The following HDAC9 variants were observed in gnomAD, a reference collection of about 807,000 sequenced individuals.
HDAC9 encodes the protein histone deacetylase 9.
HDAC9 carries 41 observed loss-of-function variants against 139.4 expected under a neutral mutation model. The ratio of observed to expected loss-of-function variants is 0.29; its 90% CI spans 0.23 to 0.38. The LOEUF is 0.38. Ranked by LOEUF, HDAC9 falls within the 10% of genes least tolerant of loss-of-function variation. The pLI is 1.00. For synonymous variants in HDAC9, 517 were observed against 476.2 expected (o/e 1.09, Z -1.12); for missense variants, 1,147 against 1,297.0 (o/e 0.88, Z 1.78).
At chr7:18,637,392 C>G (rs186160555) in intron 8 of HDAC9, among the ~76,000 whole-genome samples, 1 of 152,138 alleles carries the variant, frequency 6.6e-6, no homozygotes, top group African/African-American at 2.4e-5. Flanking sequence ...CTGTTTTAAT[C>G]TGTTTTATAT....
At chr7:18,207,822 C>T (rs1791647007) in intron 2 of HDAC9, among the ~76,000 whole-genome samples, 1 of 151,962 alleles carries the variant, frequency 6.6e-6, no homozygotes, top group Non-Finnish European at 1.5e-5. Context: ...TCAAGCAATT[C>T]TCCTGTCTCA....
chr7:18,396,079 A>ATTCCCTTCCCTTCGCTTCCC (rs1787006217), intron 1 of HDAC9, among the ~76,000 whole-genome samples: 2 of 46,514 alleles, frequency 4.3e-5, no homozygotes, highest in African/African-American at 1.2e-4. Context: ...TCAAAGTGTC[A>ATTCCCTTCCCTTCGCTTCCC]TTCCCTTCCC....
At chr7:18,252,657 G>A (rs1380698815) in intron 2 of HDAC9, among the ~76,000 whole-genome samples, 1 of 151,944 alleles carries the variant, frequency 6.6e-6, no homozygotes, top group Non-Finnish European at 1.5e-5. Flanking sequence ...ATTCATAAAA[G>A]CACTTAGCTA....
At chr7:18,352,475 A>T (rs905805122) in intron 1 of HDAC9, among the ~76,000 whole-genome samples, 4 of 152,154 alleles carry the variant, frequency 2.6e-5, no homozygotes, top group African/African-American at 7.2e-5. Flanking sequence ...TCATTAATTG[A>T]TTAAAGGTAA....
intron 2 of HDAC9, among the ~76,000 whole-genome samples, chr7:18,503,462 G>T (rs1025499522): frequency 2.0e-5 from 3 of 152,222 alleles, no homozygotes; most frequent in Non-Finnish European, 4.4e-5. Context: ...TTATGTTTAG[G>T]TTTACTCTGA....
At chr7:18,412,856 T>C (rs1348598264) in intron 1 of HDAC9, among the ~76,000 whole-genome samples, 1 of 152,158 alleles carries the variant, frequency 6.6e-6, no homozygotes, top group African/African-American at 2.4e-5. Context: ...ATTAAAACAA[T>C]AGTGTAATGA....
At chr7:18,874,277 A>G (rs534763270) in intron 21 of HDAC9, among the ~76,000 whole-genome samples, 7 of 152,188 alleles carry the variant, frequency 4.6e-5, no homozygotes, top group African/African-American at 1.4e-4. Flanking sequence ...ATGAACCAAA[A>G]AAGACTGAAT....
chr7:18,363,284 A>G (rs974676035), intron 1 of HDAC9, among the ~76,000 whole-genome samples: 16 of 151,990 alleles, frequency 1.1e-4, no homozygotes, highest in Non-Finnish European at 4.4e-5. Flanking sequence ...ATCTTTTGTA[A>G]CTTCCTGGTG....
chr7:18,117,472 CGA>C lies in HDAC9; in HGVS notation c.-97+30262_-97+30263del, dbSNP rs375293412. Among the ~76,000 whole-genome samples the C allele has an allele frequency of 3.6e-4, 53 of 146,616 alleles. 2 individuals are homozygous for C. The East Asian group carries it at 7.9e-3, about 22-fold the overall frequency. Reference sequence around the variant, plus strand: ...CTGCACTCCAGCCTGGGCAACAGAGCGAGACTCTGTCTCAAAAAATAAAATAA... The same window carrying C: ...CTGCACTCCAGCCTGGGCAACAGAGCGACTCTGTCTCAAAAAATAAAATAA... On this transcript the variant is annotated intron_variant, in intron 1 of 12. Transcript: ENST00000417496.
At position 18,997,229 on chromosome 7, in the gene HDAC9, G is replaced by C. The variant is rs1786517769; in HGVS notation, c.*1167G>C. 6.6e-6 allele frequency: 1 copy of C among 151,450 alleles called. No individual in the cohort carries two copies. Among genetic ancestry groups the C allele is most frequent in the Non-Finnish European group, 1.5e-5 (1 of 67,970 alleles). The allele number at this position is 151,450 out of a possible 1,614,324, so 9.4% of individuals were successfully genotyped here. ...TGCTAAATTTCTATGTGTTTGAAAT[G>C]TGTTAATGAAGGCACTGCTTATTTG... On this transcript the variant is annotated 3_prime_UTR_variant, in exon 26 of 26. Coordinates refer to ENST00000686413, the MANE Select transcript of HDAC9 (RefSeq NM_178425.4).
chr7:18,583,628 C>G (rs966791829), intron 2 of HDAC9, among the ~76,000 whole-genome samples: 1 of 151,562 alleles, frequency 6.6e-6, no homozygotes, highest in Non-Finnish European at 1.5e-5. Flanking sequence ...GTGATATGCA[C>G]CTAAAGTCCC....
chr7:18,840,057 TTAAA>T (rs1796488609), intron 21 of HDAC9, among the ~76,000 whole-genome samples: 2 of 152,106 alleles, frequency 1.3e-5, no homozygotes, highest in Admixed American at 1.3e-4. Flanking sequence ...GCCTGTTTTA[TTAAA>T]TAAATAAACA....
intron 2 of HDAC9, among the ~76,000 whole-genome samples, chr7:18,164,852 G>A (rs1787895032): frequency 6.6e-6 from 1 of 152,188 alleles, no homozygotes; most frequent in South Asian, 2.1e-4. Flanking sequence ...CTGAATGGAG[G>A]AAAGACTATC....
intron 2 of HDAC9, among the ~76,000 whole-genome samples, chr7:18,547,857 T>TTCCCTCCCTCCCTCCC (rs1563229989): frequency 8.4e-6 from 1 of 118,458 alleles, no homozygotes; most frequent in African/African-American, 3.9e-5. Flanking sequence ...CCTTCCTTCC[T>TTCCCTCCCTCCCTCCC]ACCCTCCCTC....
chr7:18,694,948 G>A (rs1399256473), intron 12 of HDAC9, among the ~76,000 whole-genome samples: 1 of 152,154 alleles, frequency 6.6e-6, no homozygotes, highest in African/African-American at 2.4e-5. Flanking sequence ...AGGAGTGGGA[G>A]TGACATTTTT....
At chr7:18,576,724 A>G (rs562250805) in intron 2 of HDAC9, among the ~76,000 whole-genome samples, 21 of 152,024 alleles carry the variant, frequency 1.4e-4, no homozygotes, top group African/African-American at 4.3e-4. Context: ...AAGAGAGAGG[A>G]GTCACTATCA....
chr7:18,260,114 C>A (rs573606685), intron 2 of HDAC9, among the ~76,000 whole-genome samples: 1 of 152,218 alleles, frequency 6.6e-6, no homozygotes, highest in East Asian at 1.9e-4. Flanking sequence ...GAATGATGAT[C>A]ACTACAATTA....
intron 1 of HDAC9, among the ~76,000 whole-genome samples, chr7:18,357,546 C>G (rs1428189717): frequency 6.6e-6 from 1 of 151,832 alleles, no homozygotes; most frequent in Non-Finnish European, 1.5e-5. Flanking sequence ...ACAGACAAAA[C>G]AGTATATAAA....
At chr7:18,464,509 T>A (rs1041221661) in intron 1 of HDAC9, among the ~76,000 whole-genome samples, 1 of 152,058 alleles carries the variant, frequency 6.6e-6, no homozygotes, top group Non-Finnish European at 1.5e-5. Flanking sequence ...TTTGTCAGAT[T>A]GTCTTGTCTC....
Sources: gnomAD v4.1 joint callset for allele counts (sites outside exome capture counted in the v4.1 genomes callset) on GRCh38, gnomAD v4.1.1 for gene constraint, MANE v1.5 for transcripts, NCBI Gene and HGNC (gene_info 2026-07-23, HGNC 2026-07-21) for gene names.